Variants in MORC2 observed in about 807,000 individuals in gnomAD.
The protein encoded by MORC2 is ATPase MORC2.
In MORC2, 30 loss-of-function variants were observed where a neutral mutation model predicts 136.0. The ratio of observed to expected loss-of-function variants is 0.22; its 90% CI spans 0.17 to 0.30. The LOEUF (loss-of-function observed/expected upper bound fraction) is 0.30. MORC2 is among the 10% of genes least tolerant of loss of function. The probability of loss-of-function intolerance (pLI) is 1.00; values close to 1 mark genes in which losing one functional copy is unlikely to be tolerated. For synonymous variants in MORC2, 439 were observed against 487.0 expected (o/e 0.90, Z 1.30); for missense variants, 922 against 1,333.1 (o/e 0.69, Z 4.80).
intron 1 of MORC2, among the ~76,000 whole-genome samples, chr22:30,960,399 T>G (rs2041025914): frequency 6.6e-6 from 1 of 152,178 alleles, no homozygotes; most frequent in Non-Finnish European, 1.5e-5. Flanking sequence ...CAAAAGAAAT[T>G]TTATCATCAA....
intron 24 of MORC2, among the ~76,000 whole-genome samples, chr22:30,928,915 C>T (rs1569186432): frequency 6.6e-6 from 1 of 152,198 alleles, no homozygotes; most frequent in Non-Finnish European, 1.5e-5. Flanking sequence ...ACATGACTTA[C>T]TCGTAAATCA....
At chr22:30,967,276 A>C (rs2041142350) in intron 1 of MORC2, 1 of 986,722 alleles carries the variant, frequency 1.0e-6, no homozygotes, top group Non-Finnish European at 1.2e-6. Flanking sequence ...AGAGATATAA[A>C]CAAGTTGCCG....
chr22:30,967,246 TG>T, intron 1 of MORC2: 2 of 986,142 alleles, frequency 2.0e-6, no homozygotes, highest in Non-Finnish European at 2.4e-6. Context: ...GTGGAAATTT[TG>T]GGGAAAGACT....
chr22:30,945,179 CCA>C (rs912030173), intron 6 of MORC2, among the ~76,000 whole-genome samples: 1 of 152,188 alleles, frequency 6.6e-6, no homozygotes, highest in Non-Finnish European at 1.5e-5. Context: ...CCTGAAAACC[CCA>C]ACCCAGGCTA....
intron 24 of MORC2, among the ~76,000 whole-genome samples, chr22:30,928,420 A>T (rs1278179015): frequency 1.3e-5 from 2 of 152,228 alleles, no homozygotes; most frequent in East Asian, 3.8e-4. Context: ...GAAGACAATT[A>T]GCACACAGGT....
At chr22:30,927,751 A>G (rs2040510263) in intron 25 of MORC2, among the ~76,000 whole-genome samples, 1 of 152,214 alleles carries the variant, frequency 6.6e-6, no homozygotes, top group Non-Finnish European at 1.5e-5. Context: ...GTGGAAAAGA[A>G]CTTCGTTTTT....
rs187099798 is a variant in MORC2 at position 30,931,442 on chromosome 22, C to T, written c.2841+917G>A. On this transcript the variant is annotated intron_variant, in intron 24 of 25. Transcript: ENST00000397641. ...TCTGCCCTAGACATGGTTTGGATGA[C>T]AGTTCCTTCAGCTCAAAACTTTTGC... is the stretch of plus-strand genomic sequence containing the variant. Among the ~76,000 whole-genome samples, 27 of 152,332 alleles carry T rather than the reference C, an allele frequency of 1.8e-4. No individual in the cohort carries two copies. In the Middle Eastern group the frequency reaches 0.01, roughly 58 times the overall value.
rs1345120667 is a variant in MORC2, at chr22:30,937,584, G to A, written c.1497C>T (p.Cys499=). 1.8e-5 allele frequency: 29 copies of A among 1,612,514 alleles called. No homozygotes were observed. Among genetic ancestry groups the A allele is most frequent in the African/African-American group, 6.7e-5 (5 of 75,006 alleles). Residue 499 remains cysteine, a splice_region_variant and synonymous_variant, in exon 15 of 26, where the codon TGC becomes TGT. Coordinates refer to ENST00000397641, the MANE Select transcript of MORC2 (RefSeq NM_001303256.3). This position sits in a 1 kb window ranked among gnomAD's most constrained non-coding sequence, Gnocchi z 4.7. Reference sequence around the variant, plus strand: ...GGGGGGTCCAACCACCCAACTCACCGCACTGGATGGTGGTGGGGATTTCCA... The same window carrying A: ...GGGGGGTCCAACCACCCAACTCACCACACTGGATGGTGGTGGGGATTTCCA... ...RAMEIPTTIQ[C]DLCLKWRTLP... is the part of the protein sequence containing the mutation.
At chr22:30,962,183 C>A (rs1396191126) in intron 1 of MORC2, among the ~76,000 whole-genome samples, 1 of 150,072 alleles carries the variant, frequency 6.7e-6, no homozygotes, top group Non-Finnish European at 1.5e-5. Flanking sequence ...GTACTCCAGC[C>A]TGGACAAGAG....
chr22:30,957,646 C>T (rs1476317969), intron 2 of MORC2, among the ~76,000 whole-genome samples: 1 of 152,208 alleles, frequency 6.6e-6, no homozygotes, highest in African/African-American at 2.4e-5. Flanking sequence ...CACCGCACAT[C>T]ATGGTCTCAC....
chr22:30,938,213 G>T lies in MORC2; in HGVS notation c.1074-8C>A. ...TTAGGTTCTTTAAGTGCTCTAAGAA[G>T]ACAAAAAAACTCAAGCAGATCTACA... On this transcript the variant is annotated splice_region_variant and splice_polypyrimidine_tract_variant and intron_variant, in intron 12 of 25. Transcript: ENST00000397641. 8 of 1,497,756 alleles carry T rather than the reference G, an allele frequency of 5.3e-6. No individual in the cohort carries two copies. Among genetic ancestry groups the T allele is most frequent in the Non-Finnish European group, 7.2e-6 (8 of 1,117,978 alleles). 92.8% of individuals were successfully genotyped at this position (1,497,756 alleles called of 1,614,324 possible).
At chr22:30,940,118 T>C (rs1356678361) in intron 10 of MORC2, 77 bp from the exon 11 acceptor site, 2 of 1,421,540 alleles carry the variant, frequency 1.4e-6, no homozygotes, top group Non-Finnish European at 2.0e-6. Flanking sequence ...TCCACAGTAC[T>C]GGACACGAAG....
Position 30,926,550 on chromosome 22 carries a change from C to CAAAAAAAAAAAAAAAAA in MORC2, c.*236_*252dup, listed in dbSNP as rs60514280. On this transcript the variant is annotated 3_prime_UTR_variant, in exon 26 of 26. Transcript: ENST00000397641. ...AAGGTTCTCTGTCCTTTGCAGTCAC[C>CAAAAAAAAAAAAAAAAA]AAAAAAAAAAAAAAAAAAAAAAAAA... is the stretch of plus-strand genomic sequence containing the variant. 1.9e-4 allele frequency: 5 copies of CAAAAAAAAAAAAAAAAA among 25,708 alleles called. 2 individuals are homozygous for CAAAAAAAAAAAAAAAAA. Among genetic ancestry groups the CAAAAAAAAAAAAAAAAA allele is most frequent in the Admixed American group, 8.0e-4 (1 of 1,246 alleles). 1.6% of individuals were successfully genotyped at this position (25,708 alleles called of 1,614,324 possible). A position where few individuals can be genotyped will look rare whatever the true frequency, so the allele number is the denominator to read the frequency against.
chr22:30,937,184 A>T lies in MORC2; in HGVS notation c.1499-147T>A. On this transcript the variant is annotated intron_variant, in intron 15 of 25. Transcript: ENST00000397641. This position sits in a 1 kb window ranked among gnomAD's most constrained non-coding sequence, Gnocchi z 4.7. ...GCTCCAACTCTGCCTATCCTTAGAG[A>T]ATACTAATTCTTCTCAGGGACACTG... is the stretch of plus-strand genomic sequence containing the variant. The T allele has an allele frequency of 3.0e-6, 2 of 656,444 alleles. No individual in the cohort carries two copies. The highest frequency in any genetic ancestry group is 2.7e-6 in the Non-Finnish European group (1 of 368,710). 40.7% of individuals were successfully genotyped at this position (656,444 alleles called of 1,614,324 possible). A position where few individuals can be genotyped will look rare whatever the true frequency, so the allele number is the denominator to read the frequency against.
At position 30,926,890 on chromosome 22, in the gene MORC2, G is replaced by A. The variant is rs1296516776; in HGVS notation, c.3031-19C>T. On this transcript the variant is annotated intron_variant, in intron 25 of 25. Coordinates refer to ENST00000397641, the MANE Select transcript of MORC2 (RefSeq NM_001303256.3). ...CTATGTCCTGGAATAGAGCAGGGTAGGGATCAACTGGGGGCCAGAAAGTGA... is the reference window on the plus strand; with the variant it reads ...CTATGTCCTGGAATAGAGCAGGGTAAGGATCAACTGGGGGCCAGAAAGTGA... 9 of 1,606,458 alleles carry A rather than the reference G, an allele frequency of 5.6e-6. No individual in the cohort carries two copies. The highest frequency in any genetic ancestry group is 7.7e-6 in the Non-Finnish European group (9 of 1,174,092).
intron 1 of MORC2, among the ~76,000 whole-genome samples, chr22:30,965,867 T>C (rs551823079): frequency 2.0e-5 from 3 of 152,352 alleles, no homozygotes; most frequent in South Asian, 4.1e-4. Context: ...GACAAGCAAA[T>C]AGGCTCTTGA....
intron 2 of MORC2, 104 bp downstream of exon 2, chr22:30,958,537 A>G (rs2040998318): frequency 1.2e-6 from 1 of 825,534 alleles, no homozygotes; most frequent in South Asian, 2.1e-5. Context: ...GAATGTCTAC[A>G]TTCTACAGAA....
intron 25 of MORC2, among the ~76,000 whole-genome samples, chr22:30,927,567 C>T (rs1462986762): frequency 6.6e-6 from 1 of 152,214 alleles, no homozygotes. Context: ...AATTCTCTCT[C>T]TTCCACCAGA....
chr22:30,932,266 A>G lies in MORC2; in HGVS notation c.2841+93T>C. On this transcript the variant is annotated intron_variant, in intron 24 of 25. Transcript: ENST00000397641. This position sits in a 1 kb window ranked among gnomAD's most constrained non-coding sequence, Gnocchi z 4.4. ...CAGCTGAGAGCTAGCAACTGCAACAAGCGTAACAATCATAATCACAACAGT... is the reference window on the plus strand; with the variant it reads ...CAGCTGAGAGCTAGCAACTGCAACAGGCGTAACAATCATAATCACAACAGT... 1 of 1,091,118 alleles carries G rather than the reference A, an allele frequency of 9.2e-7. No homozygotes were observed. Among genetic ancestry groups the G allele is most frequent in the Non-Finnish European group, 1.4e-6 (1 of 740,066 alleles). 67.6% of individuals were successfully genotyped at this position (1,091,118 alleles called of 1,614,324 possible). A position where few individuals can be genotyped will look rare whatever the true frequency, so the allele number is the denominator to read the frequency against.
Sources: gnomAD v4.1 joint callset for allele counts (sites outside exome capture counted in the v4.1 genomes callset) on GRCh38, gnomAD v4.1.1 for gene constraint, Gnocchi (gnomAD v3.1) non-coding constraint, MANE v1.5 for transcripts, NCBI Gene and HGNC (gene_info 2026-07-23, HGNC 2026-07-21) for gene names.